Variants in PTPRD observed in about 807,000 individuals in gnomAD.
PTPRD encodes the protein receptor-type tyrosine-protein phosphatase delta.
In PTPRD, 34 loss-of-function variants were observed where a neutral mutation model predicts 214.5. That is an observed-to-expected ratio of 0.16 (90% confidence interval 0.12 to 0.21). The LOEUF (loss-of-function observed/expected upper bound fraction) is 0.21. PTPRD is among the 10% of genes least tolerant of loss of function. The probability of loss-of-function intolerance (pLI) is 1.00; values close to 1 mark genes in which losing one functional copy is unlikely to be tolerated. For synonymous variants in PTPRD, 1,128 were observed against 845.7 expected (o/e 1.33, Z -5.79); for missense variants, 2,545 against 2,398.7 (o/e 1.06, Z -1.27).
chr9:8,948,566 T>C (rs1365309150), intron 11 of PTPRD, among the ~76,000 whole-genome samples: 1 of 102,814 alleles, frequency 9.7e-6, no homozygotes, highest in African/African-American at 3.8e-5. Context: ...TATATATTTA[T>C]ATATATATAT....
chr9:9,859,252 G>A (rs1383555350), intron 5 of PTPRD, among the ~76,000 whole-genome samples: 1 of 152,116 alleles, frequency 6.6e-6, no homozygotes, highest in Admixed American at 6.6e-5. Context: ...AACTTCTTTT[G>A]CTTATAAATT....
chr9:9,440,507 A>G (rs2087152561), intron 8 of PTPRD, among the ~76,000 whole-genome samples: 1 of 152,208 alleles, frequency 6.6e-6, no homozygotes, highest in Non-Finnish European at 1.5e-5. Context: ...AAGCAAAGCC[A>G]TTATTCAATA....
intron 2 of PTPRD, among the ~76,000 whole-genome samples, chr9:10,371,985 G>C (rs1015101640): frequency 1.3e-5 from 2 of 152,030 alleles, no homozygotes; most frequent in African/African-American, 2.4e-5. Flanking sequence ...GATGCTAATG[G>C]CTAACAGCTA....
intron 11 of PTPRD, among the ~76,000 whole-genome samples, chr9:8,760,038 G>T (rs1032248779): frequency 1.3e-5 from 2 of 152,174 alleles, no homozygotes; most frequent in African/African-American, 4.8e-5. Flanking sequence ...ACTCAGTGGT[G>T]CTTGTAGCTG....
At chr9:10,447,995 T>TGA (rs2098811151) in intron 2 of PTPRD, among the ~76,000 whole-genome samples, 1 of 147,764 alleles carries the variant, frequency 6.8e-6, no homozygotes, top group South Asian at 2.1e-4. Context: ...TCACTGTGTG[T>TGA]GAGTGTGTGT....
At chr9:8,933,944 A>G (rs1223630216) in intron 11 of PTPRD, among the ~76,000 whole-genome samples, 1 of 152,100 alleles carries the variant, frequency 6.6e-6, no homozygotes, top group Non-Finnish European at 1.5e-5. Context: ...GTACCAAAAC[A>G]TATTTCCCAA....
At chr9:8,836,277 A>C (rs1238586045) in intron 11 of PTPRD, among the ~76,000 whole-genome samples, 2 of 152,182 alleles carry the variant, frequency 1.3e-5, no homozygotes, top group Admixed American at 1.3e-4. Flanking sequence ...ATAGTCTAAG[A>C]GAACATTGAC....
At chr9:10,045,672 T>G (rs1007481079) in intron 3 of PTPRD, among the ~76,000 whole-genome samples, 4 of 151,754 alleles carry the variant, frequency 2.6e-5, no homozygotes, top group Non-Finnish European at 5.9e-5. Context: ...CCATACTGTA[T>G]GATAATCATT....
chr9:9,256,603 C>A (rs532812784), intron 9 of PTPRD, among the ~76,000 whole-genome samples: 30 of 152,052 alleles, frequency 2.0e-4, no homozygotes, highest in Non-Finnish European at 2.2e-4. Context: ...AGATCTGGGA[C>A]TAGAATCCAG....
intron 4 of PTPRD, among the ~76,000 whole-genome samples, chr9:9,976,339 T>C (rs1482041278): frequency 6.6e-6 from 1 of 152,116 alleles, no homozygotes; most frequent in Non-Finnish European, 1.5e-5. Context: ...AAATATACTT[T>C]GTCACCACAA....
At chr9:8,594,033 C>T (rs779725086) in intron 14 of PTPRD, among the ~76,000 whole-genome samples, 19 of 152,102 alleles carry the variant, frequency 1.2e-4, no homozygotes, top group Admixed American at 2.6e-4. Context: ...TCTCTAGATC[C>T]CAAGTTAACT....
intron 8 of PTPRD, among the ~76,000 whole-genome samples, chr9:9,529,606 A>T (rs2075012018): frequency 6.6e-6 from 1 of 152,140 alleles, no homozygotes; most frequent in African/African-American, 2.4e-5. Context: ...ATACTCATTA[A>T]AACAGCTAAA....
chr9:9,641,855 C>A (rs963309221), intron 7 of PTPRD, among the ~76,000 whole-genome samples: 1 of 151,998 alleles, frequency 6.6e-6, no homozygotes, highest in Non-Finnish European at 1.5e-5. Flanking sequence ...AGCACCTGGA[C>A]CCATTTAGAT....
At position 8,870,547 on chromosome 9, in the gene PTPRD, T is replaced by C. The variant is rs550242987; in HGVS notation, c.-103-136601A>G. On this transcript the variant is annotated intron_variant, in intron 11 of 45. Coordinates refer to ENST00000381196, the MANE Select transcript of PTPRD (RefSeq NM_002839.4). ...TGGTTCACCACCCCAACCTTAGTAATGCCCTCGTGTGTAACAACCCTCCAA... is the reference window on the plus strand; with the variant it reads ...TGGTTCACCACCCCAACCTTAGTAACGCCCTCGTGTGTAACAACCCTCCAA... Among the ~76,000 whole-genome samples the C allele has an allele frequency of 1.5e-3, 224 of 152,276 alleles. 1 individual carries two copies. Among genetic ancestry groups the C allele is most frequent in the African/African-American group, 5.1e-3 (210 of 41,554 alleles).
rs149216569 is a variant in PTPRD at position 10,267,651 on chromosome 9, C to T, written c.-545+73312G>A. Among the ~76,000 whole-genome samples, 323 of 152,244 alleles carry T rather than the reference C, an allele frequency of 2.1e-3. 1 individual carries two copies. The highest frequency in any genetic ancestry group is 7.4e-3 in the African/African-American group (308 of 41,542). On this transcript the variant is annotated intron_variant, in intron 3 of 45. Coordinates refer to ENST00000381196, the MANE Select transcript of PTPRD (RefSeq NM_002839.4). ...TACAATGTTTCTTAAAACATTTTGG[C>T]ATGTCTTACCAGGAGTCTTAAATGC...
intron 7 of PTPRD, among the ~76,000 whole-genome samples, chr9:9,652,943 A>C (rs1222577511): frequency 2.0e-5 from 3 of 151,876 alleles, no homozygotes; most frequent in Non-Finnish European, 4.4e-5. Context: ...AGTGCTAAAT[A>C]TTTTCTTGCT....
chr9:8,459,380 C>T (rs148469576), intron 33 of PTPRD, among the ~76,000 whole-genome samples: 14 of 151,722 alleles, frequency 9.2e-5, no homozygotes, highest in Non-Finnish European at 1.5e-4. Flanking sequence ...ACAAGGAAAA[C>T]GAGAACATGG....
Position 9,900,641 on chromosome 9 carries a change from G to GT in PTPRD, c.-368+37865dup, listed in dbSNP as rs1555302230. 6.7e-3 allele frequency among the ~76,000 whole-genome samples: 806 copies of GT among 119,996 alleles called. 11 individuals are homozygous for GT. Among genetic ancestry groups the GT allele is most frequent in the Middle Eastern group, 0.015 (3 of 204 alleles). 78.7% of individuals were successfully genotyped at this position (119,996 alleles called of 152,430 possible). ...TCCAAAGGTGCTTCCACATTTTCAG[G>GT]TTTTTTTTTTTTTTGAGATGGAGTC... On this transcript the variant is annotated intron_variant, in intron 5 of 45. Coordinates refer to ENST00000381196, the MANE Select transcript of PTPRD (RefSeq NM_002839.4).
At chr9:8,998,200 A>G (rs1178927532) in intron 11 of PTPRD, among the ~76,000 whole-genome samples, 3 of 152,102 alleles carry the variant, frequency 2.0e-5, no homozygotes, top group South Asian at 2.1e-4. Flanking sequence ...ACAGGCTTCT[A>G]TTGGAAGAAG....
Sources: allele counts gnomAD v4.1 joint callset (sites outside exome capture counted in the v4.1 genomes callset), GRCh38; gene constraint gnomAD v4.1.1; transcripts MANE v1.5; gene names NCBI Gene and HGNC (gene_info 2026-07-23, HGNC 2026-07-21).